The following NUP98 variants were observed in gnomAD, a reference collection of about 807,000 sequenced individuals.
NUP98 encodes the protein nucleoporin 98 and 96 precursor.
In NUP98, 26 loss-of-function variants were observed where a neutral mutation model predicts 191.9. The ratio of observed to expected loss-of-function variants is 0.14; its 90% CI spans 0.10 to 0.19. The LOEUF is 0.19. NUP98 is among the 10% of genes least tolerant of loss of function. The pLI, the probability that NUP98 is intolerant of heterozygous loss-of-function variation, is 1.00. For synonymous variants in NUP98, 808 were observed against 778.4 expected, an observed-to-expected ratio of 1.04 and a Z score of -0.63; for missense variants, 1,941 against 2,178.8, an observed-to-expected ratio of 0.89 and a Z score of 2.17.
chr11:3,790,639 T>C (rs1589984588), intron 1 of NUP98, among the ~76,000 whole-genome samples: 2 of 152,314 alleles, frequency 1.3e-5, no homozygotes, highest in Admixed American at 1.3e-4. Context: ...GGTGCTGAAC[T>C]AACACTCACT....
chr11:3,699,224 G>C lies in NUP98; in HGVS notation c.3867C>G (p.Phe1289Leu). Residue 1289 changes from phenylalanine (F) to leucine (L), a missense_variant, in exon 25 of 33, where the codon TTC becomes TTG. Phe to Leu is a conservative substitution (Grantham distance 22). Coordinates refer to ENST00000324932, the MANE Select transcript of NUP98 (RefSeq NM_016320.5). ...YIQILERRRA[F>L]SRWLSCTATP... ...TGGCAGTACAGGATAGCCAGCGGGA[G>C]AAAGCTCTTCTTCGCTCCAGAATTT... The C allele has an allele frequency of 6.2e-7, 1 of 1,614,204 alleles. No homozygotes were observed. Among genetic ancestry groups the C allele is most frequent in the Non-Finnish European group, 8.5e-7 (1 of 1,180,036 alleles).
At chr11:3,785,150 T>C (rs2082099930) in intron 1 of NUP98, among the ~76,000 whole-genome samples, 1 of 137,894 alleles carries the variant, frequency 7.3e-6, no homozygotes, top group Admixed American at 7.2e-5. Context: ...AAAATATAAA[T>C]GAATAAAAAA....
chr11:3,727,715 G>A (rs930769966), intron 14 of NUP98, among the ~76,000 whole-genome samples: 6 of 152,036 alleles, frequency 3.9e-5, no homozygotes, highest in Non-Finnish European at 8.8e-5. Flanking sequence ...GTAGGAACAC[G>A]ACTCTACAGA....
Position 3,760,527 on chromosome 11 carries a change from T to G in NUP98, c.1174+12A>C. On this transcript the variant is annotated intron_variant, in intron 10 of 32. Transcript: ENST00000324932. ...TTTGTATTGGTTCCTAAAGTCAGGGTTGGTTTGTTACCAAAGAGCCCGCCA... is the reference window on the plus strand; with the variant it reads ...TTTGTATTGGTTCCTAAAGTCAGGGGTGGTTTGTTACCAAAGAGCCCGCCA... 6.2e-7 allele frequency: 1 copy of G among 1,614,118 alleles called. No homozygotes were observed.
intron 1 of NUP98, among the ~76,000 whole-genome samples, chr11:3,782,417 CTT>C (rs80168819): frequency 1.7e-4 from 25 of 143,936 alleles, no homozygotes; most frequent in Non-Finnish European, 1.5e-4. Flanking sequence ...TGTTTTCAAT[CTT>C]TTTTTTTTTT....
intron 12 of NUP98, 108 bp from the exon 13 acceptor site, chr11:3,735,432 A>G (rs1332305039): frequency 3.8e-6 from 2 of 520,820 alleles, no homozygotes; most frequent in African/African-American, 2.0e-5. Context: ...AGTGGTCTTC[A>G]AAATGCTCAG....
Position 3,779,240 on chromosome 11 carries a change from T to C in NUP98, c.94A>G (p.Thr32Ala), listed in dbSNP as rs773274435. Residue 32 changes from threonine to alanine, a missense_variant, in exon 3 of 33, where the codon ACT becomes GCT. This residue lies in a region of NUP98 where 154 missense variants were observed against 182.9 expected (regional missense o/e 0.84). Coordinates refer to ENST00000324932, the MANE Select transcript of NUP98 (RefSeq NM_016320.5). ...TFGQNTGFGT[T>A]SGGAFGTSAF... is the part of the protein sequence containing the mutation. ...GATGTTCCAAATGCCCCTCCACTAG[T>C]AGTGCCAAAGCCAGTATCTGAAAAA... is the stretch of plus-strand genomic sequence containing the variant. The C allele has an allele frequency of 1.6e-5, 26 of 1,613,920 alleles. No homozygotes were observed. The highest frequency in any genetic ancestry group is 1.9e-5 in the Non-Finnish European group (22 of 1,179,886).
Position 3,702,543 on chromosome 11 carries a change from A to G in NUP98, c.3432T>C (p.Asn1144=). 6.2e-7 allele frequency: 1 copy of G among 1,614,146 alleles called. No individual in the cohort carries two copies. Among genetic ancestry groups the G allele is most frequent in the Non-Finnish European group, 8.5e-7 (1 of 1,180,012 alleles). Reference sequence around the variant, plus strand: ...GATGATTTTCTAGTTCATGAGAGCCATTCAGCTGTTCTCCACTATTAGCAA... The same window carrying G: ...GATGATTTTCTAGTTCATGAGAGCCGTTCAGCTGTTCTCCACTATTAGCAA... The part of the protein sequence containing the change: ...WTLANSGEQL[N]GSHELENHQI... The change falls in exon 23 of 33, where the codon AAT becomes AAC. Residue 1144 remains asparagine, a synonymous_variant. Coordinates refer to ENST00000324932, the MANE Select transcript of NUP98 (RefSeq NM_016320.5).
At position 3,702,509 on chromosome 11, in the gene NUP98, C is replaced by A; in HGVS notation, c.3466G>T (p.Asp1156Tyr). The change falls in exon 23 of 33, where the codon GAT becomes TAT. Residue 1156 changes from aspartate to tyrosine, a missense_variant. Around this residue, in one of 6 missense-constraint regions of NUP98, gnomAD observed 1,030 missense variants for 1,115.8 expected, o/e 0.92. Transcript: ENST00000324932. ...GGCAGGAATCCAAACTCCATGGAAT[C>A]GGCAATCTGATGATTTTCTAGTTCA... ...SHELENHQIA[D>Y]SMEFGFLPNP... is the part of the protein sequence containing the mutation. 1.2e-6 allele frequency: 2 copies of A among 1,613,996 alleles called. No individual in the cohort carries two copies. The highest frequency in any genetic ancestry group is 1.6e-4 in the Middle Eastern group (1 of 6,062).
chr11:3,759,579 G>A (rs1353905289), intron 10 of NUP98, among the ~76,000 whole-genome samples: 1 of 151,486 alleles, frequency 6.6e-6, no homozygotes, highest in Non-Finnish European at 1.5e-5. Context: ...CTCCAGCCTG[G>A]GTGACAGAGA....
intron 21 of NUP98, 25 bp from the exon 22 acceptor site, chr11:3,705,381 G>T: frequency 6.2e-7 from 1 of 1,607,914 alleles, no homozygotes; most frequent in Non-Finnish European, 8.5e-7. Context: ...TCTATAGAAT[G>T]AATGTGCTTC....
At chr11:3,735,748 AGTGTGTGTGTGTGTGTGTGTGT>A (rs71041385) in intron 12 of NUP98, among the ~76,000 whole-genome samples, 4 of 140,874 alleles carry the variant, frequency 2.8e-5, no homozygotes, top group African/African-American at 1.1e-4. Context: ...CAGGGCAAGT[AGTGTGTGTGTGTGTGTGTGTGT>A]GTGTGTGTGT....
rs746302248 is a variant in NUP98 at position 3,686,133 on chromosome 11, G to A, written c.4516C>T (p.Arg1506Cys). ...ACTTCCCACAAGTGCCAGCTTAGGCGGTAGTCCAAAGGATCTGCTGTTATG... is the reference window on the plus strand; with the variant it reads ...ACTTCCCACAAGTGCCAGCTTAGGCAGTAGTCCAAAGGATCTGCTGTTATG... ...RSITADPLDY[R>C]LSWHLWEVLR... is the part of the protein sequence containing the mutation. The change falls in exon 29 of 33, where the codon CGC (arginine) becomes TGC (cysteine). Residue 1506 changes from arginine (R) to cysteine (C), a missense_variant. By Grantham distance (180) the Arg-to-Cys change is radical (BLOSUM62 -3). This residue lies in a region of NUP98 where 1,030 missense variants were observed against 1,115.8 expected (regional missense o/e 0.92). Transcript: ENST00000324932. The A allele has an allele frequency of 3.7e-6, 6 of 1,614,240 alleles. No homozygotes were observed. Among genetic ancestry groups the A allele is most frequent in the Non-Finnish European group, 4.2e-6 (5 of 1,180,042 alleles).
At chr11:3,770,721 TG>T (rs1450873230) in intron 7 of NUP98, among the ~76,000 whole-genome samples, 1 of 152,178 alleles carries the variant, frequency 6.6e-6, no homozygotes, top group Admixed American at 6.6e-5. Flanking sequence ...GTATCACATA[TG>T]TGCATTACTT....
chr11:3,787,565 G>T (rs556181274), intron 1 of NUP98, among the ~76,000 whole-genome samples: 1 of 151,810 alleles, frequency 6.6e-6, no homozygotes, highest in Non-Finnish European at 1.5e-5. Flanking sequence ...AGAGCAAGAC[G>T]CTGTCTCAAA....
At chr11:3,721,526 C>G (rs2079400268) in intron 16 of NUP98, among the ~76,000 whole-genome samples, 1 of 152,024 alleles carries the variant, frequency 6.6e-6, no homozygotes, top group South Asian at 2.1e-4. Flanking sequence ...GGCAAAAATC[C>G]ATTATCTACC....
At chr11:3,692,335 C>CA (rs1231362876) in intron 27 of NUP98, among the ~76,000 whole-genome samples, 254 of 139,882 alleles carry the variant, frequency 1.8e-3, no homozygotes, top group Middle Eastern at 3.6e-3. Context: ...AAAAAAAAAA[C>CA]AAAAAAAAAC....
rs188923152 is a variant in NUP98 at position 3,741,469 on chromosome 11, A to G, written c.1408+3040T>C. ...AAACCCCATCTCTACTTAAACTACA[A>G]AAATTAGCTGGGCGTGTGGCAGGCA... On this transcript the variant is annotated intron_variant, in intron 12 of 32. Transcript: ENST00000324932. Among the ~76,000 whole-genome samples, 282 of 152,126 alleles carry G rather than the reference A, an allele frequency of 1.9e-3. 1 individual carries two copies. Among genetic ancestry groups the G allele is most frequent in the Middle Eastern group, 3.4e-3 (1 of 294 alleles).
At chr11:3,694,374 A>AAAC (rs1244373641) in intron 26 of NUP98, among the ~76,000 whole-genome samples, 1 of 151,404 alleles carries the variant, frequency 6.6e-6, no homozygotes, top group Non-Finnish European at 1.5e-5. Flanking sequence ...CTATCTCAAA[A>AAAC]AACAACAACA....
Sources: allele counts gnomAD v4.1 joint callset (sites outside exome capture counted in the v4.1 genomes callset), GRCh38; gene constraint gnomAD v4.1.1; regional missense constraint gnomAD v4.1.1; transcripts MANE v1.5; gene names NCBI Gene and HGNC (gene_info 2026-07-23, HGNC 2026-07-21).